Variants in CTNND2 observed in about 807,000 individuals in gnomAD.
CTNND2 encodes catenin delta-2.
A neutral mutation model predicts 144.4 loss-of-function variants in CTNND2; 22 were observed. The ratio of observed to expected loss-of-function variants is 0.15; its 90% CI spans 0.11 to 0.22. The LOEUF (loss-of-function observed/expected upper bound fraction) is 0.22. Ranked by LOEUF, CTNND2 falls within the 10% of genes least tolerant of loss-of-function variation. The probability of loss-of-function intolerance (pLI) is 1.00; values close to 1 mark genes in which losing one functional copy is unlikely to be tolerated. For synonymous variants in CTNND2, 751 were observed against 695.6 expected (o/e 1.08, Z -1.25); for missense variants, 1,353 against 1,618.8 (o/e 0.84, Z 2.82).
intron 7 of CTNND2, among the ~76,000 whole-genome samples, chr5:11,370,220 T>C (rs1041607122): frequency 6.6e-6 from 1 of 151,788 alleles, no homozygotes; most frequent in Non-Finnish European, 1.5e-5. Context: ...TAGAATAGGA[T>C]TAATTCTCAA....
rs569068444 is a variant in CTNND2, at chr5:11,525,935, C to T, written c.287+39009G>A. ...GTTTGTTCGTTTTGAGGCAGAGTCT[C>T]GCTCTGTCACCCAGGCTGGAGTATA... On this transcript the variant is annotated intron_variant, in intron 3 of 21. Coordinates refer to ENST00000304623, the MANE Select transcript of CTNND2 (RefSeq NM_001332.4). Among the ~76,000 whole-genome samples, 104 of 152,270 alleles carry T rather than the reference C, an allele frequency of 6.8e-4. 2 individuals carry two copies. Among genetic ancestry groups the T allele is most frequent in the Non-Finnish European group, 4.7e-4 (32 of 68,028 alleles).
chr5:11,059,133 G>T (rs1036973825), intron 16 of CTNND2, among the ~76,000 whole-genome samples: 15 of 152,118 alleles, frequency 9.9e-5, no homozygotes, highest in African/African-American at 3.6e-4. Flanking sequence ...GGGACTCTTG[G>T]GAAGGCATGA....
At chr5:11,489,736 G>A (rs980893889) in intron 3 of CTNND2, among the ~76,000 whole-genome samples, 2 of 152,152 alleles carry the variant, frequency 1.3e-5, no homozygotes, top group African/African-American at 4.8e-5. Flanking sequence ...CTTGCTCACT[G>A]AGGTGTCCTA....
At chr5:11,708,614 G>C (rs375117398) in intron 2 of CTNND2, among the ~76,000 whole-genome samples, 1 of 152,130 alleles carries the variant, frequency 6.6e-6, no homozygotes, top group African/African-American at 2.4e-5. Flanking sequence ...GATTATCTAG[G>C]GCGGGCCTTC....
At chr5:11,749,672 A>G (rs1440902316) in intron 1 of CTNND2, among the ~76,000 whole-genome samples, 2 of 152,040 alleles carry the variant, frequency 1.3e-5, no homozygotes, top group Non-Finnish European at 2.9e-5. Flanking sequence ...TTTACTTAGT[A>G]TATATACACA....
rs150267483 is a variant in CTNND2 at position 11,201,877 on chromosome 5, T to C, written c.1762-2216A>G. On this transcript the variant is annotated intron_variant, in intron 10 of 21. Transcript: ENST00000304623. ...TTGCTTGGCACCCACCCAAGAGAGA[T>C]GATGTTTGTATTCCTATATAGGTGT... Among the ~76,000 whole-genome samples, 328 of 152,278 alleles carry C rather than the reference T, an allele frequency of 2.2e-3. 3 individuals are homozygous for C. The highest frequency in any genetic ancestry group is 6.9e-3 in the African/African-American group (288 of 41,562).
chr5:11,485,850 A>G (rs1020086382), intron 3 of CTNND2, among the ~76,000 whole-genome samples: 1 of 152,196 alleles, frequency 6.6e-6, no homozygotes, highest in Non-Finnish European at 1.5e-5. Context: ...TTCATTGAGA[A>G]AGGTCTTTCT....
chr5:11,436,544 G>T (rs1283864464), intron 3 of CTNND2, among the ~76,000 whole-genome samples: 1 of 151,990 alleles, frequency 6.6e-6, no homozygotes, highest in Non-Finnish European at 1.5e-5. Flanking sequence ...TTTCTTTATC[G>T]AGAATTCCGC....
chr5:11,862,019 C>T (rs1287819192), intron 1 of CTNND2, among the ~76,000 whole-genome samples: 1 of 152,194 alleles, frequency 6.6e-6, no homozygotes, highest in Non-Finnish European at 1.5e-5. Context: ...TGTGCCCAAT[C>T]CCTCTAAACT....
In CTNND2 at chr5:11,385,045, C is replaced by G. The variant is rs982467969; in HGVS notation, c.797G>C (p.Gly266Ala). The G allele has an allele frequency of 7.9e-5, 90 of 1,145,524 alleles. 5 individuals carry two copies. The highest frequency in any genetic ancestry group is 4.7e-5 in the East Asian group (1 of 21,504). 71.0% of individuals were successfully genotyped at this position (1,145,524 alleles called of 1,614,324 possible). Reference protein sequence around the residue: ...SSTLPAPPRGGSPLAAPQGGS... With the variant: ...SSTLPAPPRGASPLAAPQGGS... Reference sequence around the variant, plus strand: ...GCCCTGGGGCGCGGCCAGCGGGGAGCCCCCGCGCGGCGGCGCGGGCAGCGT... The same window carrying G: ...GCCCTGGGGCGCGGCCAGCGGGGAGGCCCCGCGCGGCGGCGCGGGCAGCGT... Residue 266 changes from glycine to alanine, a missense_variant, in exon 7 of 22, where the codon GGC (glycine) becomes GCC (alanine). Around this residue, in one of 4 missense-constraint regions of CTNND2, gnomAD observed 708 missense variants for 706.4 expected, o/e 1.00. Coordinates refer to ENST00000304623, the MANE Select transcript of CTNND2 (RefSeq NM_001332.4).
At chr5:11,833,627 G>T (rs565774960) in intron 1 of CTNND2, among the ~76,000 whole-genome samples, 1 of 152,124 alleles carries the variant, frequency 6.6e-6, no homozygotes, top group South Asian at 2.1e-4. Flanking sequence ...AGGTTGAAGC[G>T]ATTCTCCTGC....
chr5:11,346,132 A>C (rs1157764962), intron 9 of CTNND2, among the ~76,000 whole-genome samples: 9 of 152,160 alleles, frequency 5.9e-5, no homozygotes, highest in Non-Finnish European at 1.2e-4. Context: ...AAGTAGCTAA[A>C]CATCAAGCAC....
rs544934641 is a variant in CTNND2 at position 11,531,014 on chromosome 5, C to T, written c.287+33930G>A. ...ACACGGCTTTGTCTCCTGCAAGCAA[C>T]GAAAATAACATCCTGCAGACATAAC... On this transcript the variant is annotated intron_variant, in intron 3 of 21. Coordinates refer to ENST00000304623, the MANE Select transcript of CTNND2 (RefSeq NM_001332.4). 4.6e-4 allele frequency among the ~76,000 whole-genome samples: 70 copies of T among 152,272 alleles called. 1 individual carries two copies. The South Asian group carries it at 8.3e-3, about 18-fold the overall frequency.
At chr5:11,748,185 A>AAAAGAACAAAT (rs6148910) in intron 1 of CTNND2, among the ~76,000 whole-genome samples, 148,656 of 152,096 alleles carry the variant, frequency 0.98, 72,720 homozygotes, top group East Asian at 1. Flanking sequence ...TGCTGACCTT[A>AAAAGAACAAAT]AGAAAACAAA....
Position 11,284,131 on chromosome 5 carries a change from G to A in CTNND2, c.1629-47308C>T, listed in dbSNP as rs575188343. Among the ~76,000 whole-genome samples the A allele has an allele frequency of 9.5e-4, 144 of 152,318 alleles. 1 individual carries two copies. The Middle Eastern group carries it at 0.02, about 22-fold the overall frequency. On this transcript the variant is annotated intron_variant, in intron 9 of 21. Transcript: ENST00000304623. ...AATGTGGTTCTGAGCCGCATCAGGT[G>A]TTCTGGTCATGTGAATTCTTCAGCC...
intron 9 of CTNND2, among the ~76,000 whole-genome samples, chr5:11,251,978 T>A (rs969353193): frequency 3.3e-5 from 5 of 152,320 alleles, no homozygotes; most frequent in African/African-American, 9.6e-5. Flanking sequence ...GGGGAAAACA[T>A]CAGCATTTAG....
chr5:11,065,055 C>G (rs968274835), intron 16 of CTNND2, among the ~76,000 whole-genome samples: 4 of 152,182 alleles, frequency 2.6e-5, no homozygotes, highest in Admixed American at 2.0e-4. Flanking sequence ...CATTTTTATT[C>G]TAAACATTTC....
intron 2 of CTNND2, among the ~76,000 whole-genome samples, chr5:11,603,529 T>TGAA (rs1779908085): frequency 6.6e-6 from 1 of 152,126 alleles, no homozygotes; most frequent in Non-Finnish European, 1.5e-5. Context: ...TGAAATAGAC[T>TGAA]AGAGGCCTCA....
rs186610526 is a variant in CTNND2 at position 11,268,842 on chromosome 5, G to A, written c.1629-32019C>T. On this transcript the variant is annotated intron_variant, in intron 9 of 21. Transcript: ENST00000304623. ...AATTTTTTTTCTTTTAAAACAAGATGTTCATTGCAGGGAGCAATGTGCACA... is the reference window on the plus strand; with the variant it reads ...AATTTTTTTTCTTTTAAAACAAGATATTCATTGCAGGGAGCAATGTGCACA... Among the ~76,000 whole-genome samples the A allele has an allele frequency of 4.1e-3, 621 of 152,140 alleles. 3 individuals carry two copies. The highest frequency in any genetic ancestry group is 6.2e-3 in the Non-Finnish European group (424 of 67,970).
Sources: gnomAD v4.1 joint callset for allele counts (sites outside exome capture counted in the v4.1 genomes callset) on GRCh38, gnomAD v4.1.1 for gene constraint, gnomAD v4.1.1 regional missense constraint, MANE v1.5 for transcripts, NCBI Gene and HGNC (gene_info 2026-07-23, HGNC 2026-07-21) for gene names.